Variants in CNTNAP5 observed in about 807,000 individuals in gnomAD.
CNTNAP5 encodes contactin-associated protein-like 5.
Under a neutral mutation model 150.2 loss-of-function variants are expected in CNTNAP5, and 72 were observed. That is an observed-to-expected ratio of 0.48 (90% CI 0.40 to 0.58). The LOEUF (loss-of-function observed/expected upper bound fraction) is 0.58. Among genes scored for constraint, CNTNAP5 ranks in the 20% least tolerant of loss-of-function variants. CNTNAP5 has a pLI of 0.00. For synonymous variants in CNTNAP5, 672 were observed against 619.8 expected (o/e 1.08, Z -1.25); for missense variants, 1,636 against 1,626.2 (o/e 1.01, Z -0.10).
Position 124,918,701 on chromosome 2 carries a change from A to G in CNTNAP5, c.*4413A>G, listed in dbSNP as rs985757133. On this transcript the variant is annotated 3_prime_UTR_variant, in exon 24 of 24. Coordinates refer to ENST00000682447, the MANE Select transcript of CNTNAP5 (RefSeq NM_001367498.1). ...TGTAGCCTACCAAAAGGCCTTTGGG[A>G]TACCTGTATGGTTCTGCCAGTCATT... 6.6e-6 allele frequency among the ~76,000 whole-genome samples: 1 copy of G among 152,118 alleles called. No homozygotes were observed. Among genetic ancestry groups the G allele is most frequent in the Non-Finnish European group, 1.5e-5 (1 of 68,010 alleles).
rs141227132 is a variant in CNTNAP5, at chr2:124,152,971, G to C, written c.83-68734G>C. On this transcript the variant is annotated intron_variant, in intron 1 of 23. Coordinates refer to ENST00000682447, the MANE Select transcript of CNTNAP5 (RefSeq NM_001367498.1). ...GCTCCATACAGAATCCTGGAATCAA[G>C]GTCAGCTAGACCATCCCTAGGGTTA... 3.7e-4 allele frequency among the ~76,000 whole-genome samples: 57 copies of C among 152,266 alleles called. No homozygotes were observed. The East Asian group carries it at 0.011, about 29-fold the overall frequency.
chr2:124,663,093 G>A (rs1678625828), intron 13 of CNTNAP5, among the ~76,000 whole-genome samples: 1 of 152,112 alleles, frequency 6.6e-6, no homozygotes, highest in East Asian at 1.9e-4. Flanking sequence ...TTATTACCAA[G>A]GAACAAACGC....
At chr2:124,122,719 A>C (rs368023809) in intron 1 of CNTNAP5, among the ~76,000 whole-genome samples, 1 of 151,250 alleles carries the variant, frequency 6.6e-6, no homozygotes, top group East Asian at 2.0e-4. Flanking sequence ...TTCCTGTCCC[A>C]ATTTTACAGA....
At chr2:124,050,763 C>T (rs982635813) in intron 1 of CNTNAP5, among the ~76,000 whole-genome samples, 4 of 152,188 alleles carry the variant, frequency 2.6e-5, no homozygotes, top group African/African-American at 9.6e-5. Flanking sequence ...ATACTTCTGA[C>T]TGTATTTCAA....
intron 11 of CNTNAP5, among the ~76,000 whole-genome samples, chr2:124,601,360 T>C (rs747670983): frequency 6.6e-5 from 10 of 152,156 alleles, no homozygotes; most frequent in Non-Finnish European, 1.5e-4. Context: ...TCTCACAAAA[T>C]TCTTCAGCCA....
intron 1 of CNTNAP5, among the ~76,000 whole-genome samples, chr2:124,215,753 C>T (rs1165157953): frequency 6.9e-6 from 1 of 145,248 alleles, no homozygotes; most frequent in African/African-American, 2.5e-5. Context: ...TTCAAATTAT[C>T]CTGAAAGTTA....
chr2:124,707,204 G>GAAGAAGAAGAAGAAGAAT (rs1010621414), intron 13 of CNTNAP5, among the ~76,000 whole-genome samples: 53 of 142,686 alleles, frequency 3.7e-4, no homozygotes, highest in Non-Finnish European at 4.5e-4. Context: ...AGAAGAAGAA[G>GAAGAAGAAGAAGAAGAAT]AATAAACAAC....
chr2:124,896,056 A>C (rs551348865), intron 21 of CNTNAP5, among the ~76,000 whole-genome samples: 1 of 151,554 alleles, frequency 6.6e-6, no homozygotes, highest in South Asian at 2.1e-4. Flanking sequence ...CCATATCAAC[A>C]GTTCATTTAG....
intron 11 of CNTNAP5, among the ~76,000 whole-genome samples, chr2:124,571,112 T>C (rs1696142556): frequency 6.6e-6 from 1 of 152,226 alleles, no homozygotes; most frequent in African/African-American, 2.4e-5. Context: ...CCATGTTAGC[T>C]GCTGTTTAAA....
At chr2:124,777,359 T>G (rs1681346685) in intron 17 of CNTNAP5, among the ~76,000 whole-genome samples, 1 of 152,032 alleles carries the variant, frequency 6.6e-6, no homozygotes, top group Non-Finnish European at 1.5e-5. Context: ...CAACACCCAT[T>G]TTAGTGTTTT....
At chr2:124,842,873 C>G (rs1328804149) in intron 19 of CNTNAP5, among the ~76,000 whole-genome samples, 1 of 151,918 alleles carries the variant, frequency 6.6e-6, no homozygotes, top group Non-Finnish European at 1.5e-5. Flanking sequence ...GAGAAATTCT[C>G]AAAAAGCTGA....
rs550797356 is a variant in CNTNAP5, at chr2:124,032,719, G to A, written c.82+6987G>A. On this transcript the variant is annotated intron_variant, in intron 1 of 23. Transcript: ENST00000682447. ...GTAAAATGTATTCTATAGCTGTTTC[G>A]ATTGTTTTTGACAAATGAGAGGGAT... Among the ~76,000 whole-genome samples, 11 of 152,100 alleles carry A rather than the reference G, an allele frequency of 7.2e-5. No individual in the cohort carries two copies. In the South Asian group the frequency reaches 8.3e-4, roughly 12 times the overall value.
intron 13 of CNTNAP5, among the ~76,000 whole-genome samples, chr2:124,736,970 A>G (rs1031942176): frequency 5.9e-5 from 9 of 152,172 alleles, no homozygotes; most frequent in Admixed American, 5.9e-4. Flanking sequence ...ATAAACAAAA[A>G]TAATGATTTC....
intron 1 of CNTNAP5, among the ~76,000 whole-genome samples, chr2:124,105,932 G>T (rs1307979023): frequency 6.6e-6 from 1 of 152,106 alleles, no homozygotes; most frequent in African/African-American, 2.4e-5. Context: ...TCTACGGAGG[G>T]TAACTATATA....
chr2:124,072,281 A>G (rs1003062528), intron 1 of CNTNAP5, among the ~76,000 whole-genome samples: 2 of 75,206 alleles, frequency 2.7e-5, no homozygotes, highest in African/African-American at 9.1e-5. Flanking sequence ...TGAATAATGG[A>G]AAAAAAAATG....
chr2:124,493,655 C>T (rs991229876), intron 7 of CNTNAP5, among the ~76,000 whole-genome samples: 2 of 151,962 alleles, frequency 1.3e-5, no homozygotes, highest in South Asian at 4.1e-4. Flanking sequence ...AATTTTTTAA[C>T]TTAAAAGTAC....
At chr2:124,414,073 A>G (rs896293279) in intron 3 of CNTNAP5, among the ~76,000 whole-genome samples, 4 of 151,004 alleles carry the variant, frequency 2.6e-5, no homozygotes, top group South Asian at 2.1e-4. Context: ...CATTGGATAT[A>G]GAATGCTAGA....
intron 1 of CNTNAP5, among the ~76,000 whole-genome samples, chr2:124,124,946 C>T (rs912473974): frequency 6.6e-6 from 1 of 152,160 alleles, no homozygotes; most frequent in African/African-American, 2.4e-5. Context: ...CCAGTATGAG[C>T]CACTGCAAAA....
chr2:124,703,491 A>C (rs1186665518), intron 13 of CNTNAP5, among the ~76,000 whole-genome samples: 2 of 152,176 alleles, frequency 1.3e-5, no homozygotes, highest in Non-Finnish European at 1.5e-5. Flanking sequence ...ATCATAAAAG[A>C]AGTAGCATAA....
Sources: gnomAD v4.1 joint callset for allele counts (sites outside exome capture counted in the v4.1 genomes callset) on GRCh38, gnomAD v4.1.1 for gene constraint, MANE v1.5 for transcripts, NCBI Gene and HGNC (gene_info 2026-07-23, HGNC 2026-07-21) for gene names.